PRKG1: variants seen among roughly 807,000 people sequenced by gnomAD.
PRKG1 encodes the protein protein kinase cGMP-dependent 1.
A neutral mutation model predicts 88.1 loss-of-function variants in PRKG1; 35 were observed. That is an observed-to-expected ratio of 0.40 (90% CI 0.30 to 0.53). The LOEUF is 0.53. Among genes scored for constraint, PRKG1 ranks in the 20% least tolerant of loss-of-function variants. The pLI, the probability that PRKG1 is intolerant of heterozygous loss-of-function variation, is 0.59. For synonymous variants in PRKG1, 303 were observed against 292.5 expected (o/e 1.04, Z -0.37); for missense variants, 540 against 839.8 (o/e 0.64, Z 4.41).
At chr10:51,346,545 C>G (rs1842117637) in intron 2 of PRKG1, among the ~76,000 whole-genome samples, 1 of 152,080 alleles carries the variant, frequency 6.6e-6, no homozygotes, top group African/African-American at 2.4e-5. Context: ...TTTTATGTTA[C>G]TTTTTATACT....
intron 2 of PRKG1, among the ~76,000 whole-genome samples, chr10:51,401,523 G>A (rs1325217119): frequency 6.6e-6 from 1 of 152,126 alleles, no homozygotes; most frequent in Non-Finnish European, 1.5e-5. Context: ...CACCAGTTCT[G>A]CCTTTTCCCC....
chr10:52,123,370 T>C (rs1229414438), intron 7 of PRKG1, among the ~76,000 whole-genome samples: 3 of 152,122 alleles, frequency 2.0e-5, no homozygotes, highest in Non-Finnish European at 4.4e-5. Flanking sequence ...TGGACAGCAC[T>C]TATAATTTTT....
Position 51,733,436 on chromosome 10 carries a change from G to A in PRKG1, c.593-71149G>A, listed in dbSNP as rs1024468391. On this transcript the variant is annotated intron_variant, in intron 3 of 17. Coordinates refer to ENST00000373980, the MANE Select transcript of PRKG1 (RefSeq NM_006258.4). ...ATTAGTTGCACCAACTAATAGGAAC[G>A]TCTTGAACCAACTAATAGTAACATC... is the stretch of plus-strand genomic sequence containing the variant. Among the ~76,000 whole-genome samples, 8 of 152,110 alleles carry A rather than the reference G, an allele frequency of 5.3e-5. No homozygotes were observed. The South Asian group carries it at 8.3e-4, about 16-fold the overall frequency.
At chr10:51,240,211 T>C (rs1436231676) in intron 2 of PRKG1, among the ~76,000 whole-genome samples, 1 of 152,252 alleles carries the variant, frequency 6.6e-6, no homozygotes, top group Non-Finnish European at 1.5e-5. Flanking sequence ...CCATCTCAGA[T>C]AGTATCCTCT....
intron 9 of PRKG1, among the ~76,000 whole-genome samples, chr10:52,242,510 G>A (rs1458826434): frequency 6.6e-6 from 1 of 152,142 alleles, no homozygotes; most frequent in African/African-American, 2.4e-5. Context: ...TTTTCATTAT[G>A]GCCAATGATT....
At chr10:51,206,737 G>A (rs141775213) in intron 2 of PRKG1, among the ~76,000 whole-genome samples, 1 of 152,248 alleles carries the variant, frequency 6.6e-6, no homozygotes, top group Non-Finnish European at 1.5e-5. Flanking sequence ...TCAGATCATT[G>A]TTGCTTAAAT....
intron 3 of PRKG1, among the ~76,000 whole-genome samples, chr10:51,556,199 T>C (rs779283473): frequency 6.6e-6 from 1 of 152,054 alleles, no homozygotes; most frequent in African/African-American, 2.4e-5. Context: ...CATACATGAA[T>C]AAGTTTGGTT....
At position 52,068,151 on chromosome 10, in the gene PRKG1, C is replaced by T. The variant is rs567319480; in HGVS notation, c.935+5520C>T. On this transcript the variant is annotated intron_variant, in intron 7 of 17. Coordinates refer to ENST00000373980, the MANE Select transcript of PRKG1 (RefSeq NM_006258.4). ...CCGGGAGGCGGAGCTTGCAGTGAGT[C>T]GAGATCGCGCCACTGCACTCCAGCC... Among the ~76,000 whole-genome samples, 533 of 91,494 alleles carry T rather than the reference C, an allele frequency of 5.8e-3. 76 individuals carry two copies. The highest frequency in any genetic ancestry group is 0.01 in the Non-Finnish European group (397 of 39,450). 60.0% of individuals were successfully genotyped at this position (91,494 alleles called of 152,430 possible). A position where few individuals can be genotyped will look rare whatever the true frequency, so the allele number is the denominator to read the frequency against.
chr10:52,096,668 G>A (rs1313042774), intron 7 of PRKG1, among the ~76,000 whole-genome samples: 3 of 151,988 alleles, frequency 2.0e-5, no homozygotes, highest in Non-Finnish European at 4.4e-5. Flanking sequence ...CTGAATCCTT[G>A]GCTCTATAGG....
At chr10:51,201,298 A>G (rs111579808) in intron 2 of PRKG1, among the ~76,000 whole-genome samples, 3,090 of 152,058 alleles carry the variant, frequency 0.02, 48 homozygotes, top group Middle Eastern at 0.051. Context: ...CTACAAATAC[A>G]TAAGTTAGCC....
chr10:51,031,246 C>T (rs1225737126), intron 1 of PRKG1, among the ~76,000 whole-genome samples: 1 of 152,084 alleles, frequency 6.6e-6, no homozygotes, highest in Non-Finnish European at 1.5e-5. Flanking sequence ...CATTAATCTC[C>T]TAGGCCCTTC....
chr10:52,118,934 A>C (rs911574513), intron 7 of PRKG1, among the ~76,000 whole-genome samples: 2 of 152,130 alleles, frequency 1.3e-5, no homozygotes. Context: ...TAACTACTTA[A>C]AATCTCAATT....
At chr10:51,275,237 C>A (rs1397208685) in intron 2 of PRKG1, among the ~76,000 whole-genome samples, 1 of 152,198 alleles carries the variant, frequency 6.6e-6, no homozygotes, top group African/African-American at 2.4e-5. Context: ...CTACCATCAT[C>A]TTTCCCAGCT....
chr10:51,712,639 G>C (rs1251612809), intron 3 of PRKG1, among the ~76,000 whole-genome samples: 4 of 141,822 alleles, frequency 2.8e-5, no homozygotes, highest in Non-Finnish European at 6.0e-5. Context: ...GCCCAGGCTG[G>C]AGTGCAGTGG....
chr10:51,754,194 G>A (rs747681456), intron 3 of PRKG1, among the ~76,000 whole-genome samples: 13 of 152,066 alleles, frequency 8.5e-5, no homozygotes, highest in Admixed American at 2.0e-4. Flanking sequence ...TCTTACTCAG[G>A]CAGACTCTTT....
At chr10:51,520,058 T>C (rs1040813832) in intron 3 of PRKG1, among the ~76,000 whole-genome samples, 3 of 152,096 alleles carry the variant, frequency 2.0e-5, no homozygotes, top group African/African-American at 7.2e-5. Flanking sequence ...TTGCCTACTA[T>C]ATTAACAAAT....
chr10:51,132,905 G>A (rs1274211516), intron 1 of PRKG1, among the ~76,000 whole-genome samples: 1 of 151,848 alleles, frequency 6.6e-6, no homozygotes, highest in Non-Finnish European at 1.5e-5. Flanking sequence ...ACATCAGAGT[G>A]TACCCCATAA....
chr10:51,823,283 A>T (rs1564661844), intron 4 of PRKG1, among the ~76,000 whole-genome samples: 1 of 152,206 alleles, frequency 6.6e-6, no homozygotes. Context: ...GTCTAACATA[A>T]TAGGAAGCAT....
intron 4 of PRKG1, among the ~76,000 whole-genome samples, chr10:51,902,764 G>A (rs1254527197): frequency 1.3e-5 from 2 of 152,134 alleles, no homozygotes; most frequent in African/African-American, 2.4e-5. Context: ...GAACAAACAA[G>A]CATGCATCCC....
Sources: allele counts gnomAD v4.1 joint callset (sites outside exome capture counted in the v4.1 genomes callset), GRCh38; gene constraint gnomAD v4.1.1; transcripts MANE v1.5; gene names NCBI Gene and HGNC (gene_info 2026-07-23, HGNC 2026-07-21).